Variants in ARID4B observed in about 807,000 individuals in gnomAD.
ARID4B encodes AT-rich interactive domain-containing protein 4B.
Under a neutral mutation model 147.5 loss-of-function variants are expected in ARID4B, and 26 were observed. That is an observed-to-expected ratio of 0.18 (90% CI 0.13 to 0.24). The LOEUF (loss-of-function observed/expected upper bound fraction) is 0.24. Ranked by LOEUF, ARID4B falls within the 10% of genes least tolerant of loss-of-function variation. The pLI, the probability that ARID4B is intolerant of heterozygous loss-of-function variation, is 1.00. For synonymous variants in ARID4B, 512 were observed against 507.9 expected, an observed-to-expected ratio of 1.01 and a Z score of -0.11; for missense variants, 1,179 against 1,511.5, an observed-to-expected ratio of 0.78 and a Z score of 3.65.
intron 2 of ARID4B, 92 bp downstream of exon 2, chr1:235,326,822 A>C: frequency 6.6e-7 from 1 of 1,517,612 alleles, no homozygotes; most frequent in Non-Finnish European, 9.1e-7. Flanking sequence ...TTCCTCTGCA[A>C]AACTCGGAAG....
chr1:235,255,111 C>T (rs537409373), intron 5 of ARID4B, among the ~76,000 whole-genome samples: 2 of 151,674 alleles, frequency 1.3e-5, no homozygotes, highest in African/African-American at 4.8e-5. Flanking sequence ...ACATTCAATC[C>T]AGCATTTATT....
At chr1:235,308,269 TTG>T (rs1673721619) in intron 2 of ARID4B, among the ~76,000 whole-genome samples, 1 of 43,614 alleles carries the variant, frequency 2.3e-5, no homozygotes, top group Admixed American at 2.6e-4. Context: ...CAGCTAATTT[TTG>T]TATTGTATTT....
chr1:235,301,034 T>C (rs1572190132), intron 2 of ARID4B, among the ~76,000 whole-genome samples: 1 of 144,100 alleles, frequency 6.9e-6, no homozygotes, highest in Admixed American at 6.8e-5. Context: ...TTTTTTTAAG[T>C]ATTCTTTTTT....
intron 19 of ARID4B, among the ~76,000 whole-genome samples, chr1:235,190,855 T>C (rs749028664): frequency 2.6e-5 from 4 of 152,002 alleles, no homozygotes; most frequent in East Asian, 1.9e-4. Flanking sequence ...CCTAGGAAAA[T>C]AGCTGTGCAA....
At chr1:235,324,286 A>G (rs1219432904) in intron 2 of ARID4B, among the ~76,000 whole-genome samples, 1 of 152,224 alleles carries the variant, frequency 6.6e-6, no homozygotes, top group African/African-American at 2.4e-5. Context: ...TCTATGTTAC[A>G]GCACAAATTC....
chr1:235,229,255 C>T lies in ARID4B; in HGVS notation c.873G>A (p.Lys291=). Residue 291 remains lysine, a synonymous_variant, in exon 11 of 24, where the codon AAG becomes AAA. Coordinates refer to ENST00000264183, the MANE Select transcript of ARID4B (RefSeq NM_016374.6). ...EEEEEDDEKE[K]EDNSSEEEEE... ...CTTCTTCTTCACTGCTATTATCCTC[C>T]TTTTCTTTTTCATCATCTTCCTCCT... 1 of 1,611,698 alleles carries T rather than the reference C, an allele frequency of 6.2e-7. No homozygotes were observed. The highest frequency in any genetic ancestry group is 8.5e-7 in the Non-Finnish European group (1 of 1,178,514).
chr1:235,175,172 C>T lies in ARID4B; in HGVS notation c.3664+12G>A. Reference sequence around the variant, plus strand: ...GAAGTTTGTATGCTTGTCAATTTAACATGTCACTTACACATCTGAAAACTC... The same window carrying T: ...GAAGTTTGTATGCTTGTCAATTTAATATGTCACTTACACATCTGAAAACTC... On this transcript the variant is annotated intron_variant, in intron 22 of 23. Transcript: ENST00000264183. The T allele has an allele frequency of 6.9e-6, 11 of 1,603,796 alleles. No individual in the cohort carries two copies. Among genetic ancestry groups the T allele is most frequent in the Non-Finnish European group, 9.4e-6 (11 of 1,170,986 alleles).
intron 11 of ARID4B, among the ~76,000 whole-genome samples, chr1:235,226,708 G>T (rs1667857155): frequency 6.6e-6 from 1 of 152,092 alleles, no homozygotes. Flanking sequence ...GTTTTTAGTA[G>T]AGACAGGGTT....
At chr1:235,233,354 G>A (rs903245695) in intron 9 of ARID4B, among the ~76,000 whole-genome samples, 1 of 152,100 alleles carries the variant, frequency 6.6e-6, no homozygotes, top group African/African-American at 2.4e-5. Context: ...GATAACCTGA[G>A]CCCAAAGGGT....
At chr1:235,294,100 A>T (rs1229838626) in intron 2 of ARID4B, among the ~76,000 whole-genome samples, 3 of 152,132 alleles carry the variant, frequency 2.0e-5, no homozygotes, top group Admixed American at 6.6e-5. Context: ...TAAAATATTT[A>T]AAATTATAAA....
intron 2 of ARID4B, among the ~76,000 whole-genome samples, chr1:235,303,084 C>T (rs992039262): frequency 1.3e-5 from 2 of 152,160 alleles, no homozygotes; most frequent in African/African-American, 2.4e-5. Flanking sequence ...CCACCACACC[C>T]GGCTAATTTT....
At chr1:235,314,575 T>C (rs1674300461) in intron 2 of ARID4B, among the ~76,000 whole-genome samples, 1 of 152,090 alleles carries the variant, frequency 6.6e-6, no homozygotes. Context: ...GTTTTCACAG[T>C]CATATTCAAG....
At chr1:235,252,172 TC>T (rs1257831303) in intron 6 of ARID4B, among the ~76,000 whole-genome samples, 2 of 152,156 alleles carry the variant, frequency 1.3e-5, no homozygotes, top group Non-Finnish European at 2.9e-5. Context: ...ATATACAAAG[TC>T]TCTGACCGTG....
intron 2 of ARID4B, among the ~76,000 whole-genome samples, chr1:235,289,320 T>C (rs1672178638): frequency 6.6e-6 from 1 of 152,098 alleles, no homozygotes; most frequent in Admixed American, 6.6e-5. Context: ...ACAAAGCAAA[T>C]ATATCAAAAT....
At chr1:235,173,821 T>A (rs1663639837) in intron 22 of ARID4B, among the ~76,000 whole-genome samples, 1 of 56,926 alleles carries the variant, frequency 1.8e-5, no homozygotes, top group East Asian at 4.7e-4. Context: ...TATGTATACC[T>A]AAAACATATA....
intron 6 of ARID4B, among the ~76,000 whole-genome samples, chr1:235,248,727 T>C (rs1017479937): frequency 2.0e-5 from 3 of 152,202 alleles, no homozygotes; most frequent in African/African-American, 7.2e-5. Context: ...AGTCTCTCCC[T>C]AGTACATAAC....
intron 12 of ARID4B, among the ~76,000 whole-genome samples, chr1:235,224,000 CTTATA>C (rs1218618358): frequency 1.3e-5 from 2 of 152,024 alleles, no homozygotes; most frequent in Non-Finnish European, 2.9e-5. Context: ...AGAAAATATA[CTTATA>C]TTGTGTTAGG....
chr1:235,233,889 G>A (rs1668398178), intron 9 of ARID4B, among the ~76,000 whole-genome samples: 1 of 152,172 alleles, frequency 6.6e-6, no homozygotes, highest in Admixed American at 6.5e-5. Flanking sequence ...GACCAGCCTG[G>A]ACAACACAGT....
At chr1:235,324,886 T>C (rs1675112250) in intron 2 of ARID4B, among the ~76,000 whole-genome samples, 1 of 152,006 alleles carries the variant, frequency 6.6e-6, no homozygotes, top group South Asian at 2.1e-4. Context: ...CCAGCCAGGG[T>C]GAAATAGTGA....
Sources: allele counts gnomAD v4.1 joint callset (sites outside exome capture counted in the v4.1 genomes callset), GRCh38; gene constraint gnomAD v4.1.1; transcripts MANE v1.5; gene names NCBI Gene and HGNC (gene_info 2026-07-23, HGNC 2026-07-21).